UNC5D: variants seen among roughly 807,000 people sequenced by gnomAD.
The protein encoded by UNC5D is netrin receptor UNC5D.
Under a neutral mutation model 105.4 loss-of-function variants are expected in UNC5D, and 39 were observed. The ratio of observed to expected loss-of-function variants is 0.37; its 90% CI spans 0.29 to 0.48. UNC5D has a LOEUF of 0.48. Among genes scored for constraint, UNC5D ranks in the 20% least tolerant of loss-of-function variants. UNC5D has a pLI of 0.98. For missense variants in UNC5D, 991 were observed against 1,202.4 expected (o/e 0.82, Z 2.60); for synonymous variants, 452 against 450.4 (o/e 1.00, Z -0.04).
chr8:35,520,058 C>T (rs749693599), intron 1 of UNC5D, among the ~76,000 whole-genome samples: 5 of 151,984 alleles, frequency 3.3e-5, no homozygotes, highest in Admixed American at 1.3e-4. Flanking sequence ...CAATTTTACA[C>T]CTAGGTTATA....
intron 8 of UNC5D, 100 bp from the exon 9 acceptor site, chr8:35,722,110 G>A (rs1828611838): frequency 1.5e-6 from 2 of 1,343,434 alleles, no homozygotes; most frequent in African/African-American, 1.5e-5. Flanking sequence ...TCTCTGAGCA[G>A]TAGCTCCAAA....
intron 1 of UNC5D, among the ~76,000 whole-genome samples, chr8:35,413,511 T>C (rs1386851589): frequency 2.0e-5 from 3 of 151,642 alleles, no homozygotes; most frequent in Non-Finnish European, 2.9e-5. Context: ...TAGCAGCTGT[T>C]GGTGTGCTGC....
At chr8:35,314,978 G>A (rs558936714) in intron 1 of UNC5D, among the ~76,000 whole-genome samples, 4 of 152,246 alleles carry the variant, frequency 2.6e-5, no homozygotes, top group Non-Finnish European at 5.9e-5. Flanking sequence ...GAGTTTATCA[G>A]GTCGGTGAGA....
chr8:35,350,597 C>T (rs1469413857), intron 1 of UNC5D, among the ~76,000 whole-genome samples: 1 of 151,986 alleles, frequency 6.6e-6, no homozygotes, highest in East Asian at 1.9e-4. Flanking sequence ...AAACCTCTAG[C>T]TTTAAAGTGG....
chr8:35,378,567 T>C (rs1802838912), intron 1 of UNC5D, among the ~76,000 whole-genome samples: 2 of 152,152 alleles, frequency 1.3e-5, no homozygotes, highest in Admixed American at 1.3e-4. Context: ...CTGCCAGAGG[T>C]GTGAATCATC....
chr8:35,473,840 A>T (rs1563452691), intron 1 of UNC5D, among the ~76,000 whole-genome samples: 1 of 152,208 alleles, frequency 6.6e-6, no homozygotes, highest in African/African-American at 2.4e-5. Flanking sequence ...GTATTGACAG[A>T]AATGTGTTAA....
chr8:35,649,934 T>C lies in UNC5D; in HGVS notation c.571-33613T>C, dbSNP rs924325972. On this transcript the variant is annotated intron_variant, in intron 4 of 16. Coordinates refer to ENST00000404895, the MANE Select transcript of UNC5D (RefSeq NM_080872.4). ...TCCATCCTGGAACAGAAAAAAGACATTGGTGTTACAAATGGTGAAATATGA... is the reference window on the plus strand; with the variant it reads ...TCCATCCTGGAACAGAAAAAAGACACTGGTGTTACAAATGGTGAAATATGA... 2.0e-5 allele frequency among the ~76,000 whole-genome samples: 3 copies of C among 152,134 alleles called. No individual in the cohort carries two copies. In the East Asian group the frequency reaches 5.8e-4, roughly 29 times the overall value.
chr8:35,621,623 AT>A (rs1432299419), intron 4 of UNC5D, among the ~76,000 whole-genome samples: 4 of 152,180 alleles, frequency 2.6e-5, no homozygotes, highest in Non-Finnish European at 4.4e-5. Context: ...ACACTCTGCC[AT>A]TGGCTTCTCA....
chr8:35,270,545 T>C (rs1271013076), intron 1 of UNC5D, among the ~76,000 whole-genome samples: 1 of 152,210 alleles, frequency 6.6e-6, no homozygotes, highest in Non-Finnish European at 1.5e-5. Context: ...ACAATAATGA[T>C]AATACAATAG....
chr8:35,648,870 A>C (rs767689022), intron 4 of UNC5D, among the ~76,000 whole-genome samples: 13 of 152,238 alleles, frequency 8.5e-5, no homozygotes, highest in Non-Finnish European at 1.6e-4. Context: ...GTGTCAAGGA[A>C]GTTCTTGGAC....
At chr8:35,506,027 TCTTG>T (rs1812284773) in intron 1 of UNC5D, among the ~76,000 whole-genome samples, 2 of 152,250 alleles carry the variant, frequency 1.3e-5, no homozygotes, top group Admixed American at 6.5e-5. Flanking sequence ...CAATTATTTT[TCTTG>T]CTTTTAAGCT....
chr8:35,621,296 G>A (rs575486625), intron 4 of UNC5D, among the ~76,000 whole-genome samples: 6 of 152,218 alleles, frequency 3.9e-5, no homozygotes, highest in East Asian at 1.9e-4. Flanking sequence ...CTGTGAGCCC[G>A]GGATCACAGT....
chr8:35,239,776 G>A (rs1309716656), intron 1 of UNC5D, among the ~76,000 whole-genome samples: 2 of 151,866 alleles, frequency 1.3e-5, no homozygotes, highest in Non-Finnish European at 2.9e-5. Context: ...ATACCTTCAT[G>A]AACTAACTGC....
chr8:35,714,404 A>G (rs1480850249), intron 8 of UNC5D, among the ~76,000 whole-genome samples: 3 of 152,202 alleles, frequency 2.0e-5, no homozygotes, highest in Non-Finnish European at 4.4e-5. Context: ...ATCTTCAGAG[A>G]GAAGATGAGG....
At chr8:35,537,055 TTGA>T (rs1458247887) in intron 1 of UNC5D, among the ~76,000 whole-genome samples, 3 of 152,150 alleles carry the variant, frequency 2.0e-5, no homozygotes. Flanking sequence ...ATTTAAGACC[TTGA>T]TGATAAGACA....
rs1803060539 is a variant in UNC5D, at chr8:35,791,873, A to C, written c.*1310A>C. 1 of 152,124 alleles carries C rather than the reference A, an allele frequency of 6.6e-6. No homozygotes were observed. Among genetic ancestry groups the C allele is most frequent in the Non-Finnish European group, 1.5e-5 (1 of 68,032 alleles). The allele number at this position is 152,124 out of a possible 1,614,324, so 9.4% of individuals were successfully genotyped here. A position where few individuals can be genotyped will look rare whatever the true frequency, so the allele number is the denominator to read the frequency against. On this transcript the variant is annotated 3_prime_UTR_variant, in exon 17 of 17. Transcript: ENST00000404895. ...AGGCAGTGATATTGTGGAAGATTGA[A>C]ATCCACAGATAATTCATGACCCTCA... is the stretch of plus-strand genomic sequence containing the variant.
At chr8:35,724,985 T>C (rs1054224435) in intron 9 of UNC5D, among the ~76,000 whole-genome samples, 2 of 152,324 alleles carry the variant, frequency 1.3e-5, no homozygotes, top group South Asian at 2.1e-4. Context: ...ATAGCATTAT[T>C]TATTTCATCC....
intron 16 of UNC5D, among the ~76,000 whole-genome samples, chr8:35,781,705 T>C (rs1346103328): frequency 2.6e-5 from 4 of 152,184 alleles, no homozygotes; most frequent in African/African-American, 9.7e-5. Context: ...ATTTGTGAAG[T>C]TTTATCGTCT....
intron 1 of UNC5D, among the ~76,000 whole-genome samples, chr8:35,548,475 T>TAA (rs954462813): frequency 3.3e-5 from 5 of 152,304 alleles, no homozygotes; most frequent in South Asian, 4.2e-4. Context: ...TCCTGGGACT[T>TAA]AAGTCTTTGC....
Sources: allele counts gnomAD v4.1 joint callset (sites outside exome capture counted in the v4.1 genomes callset), GRCh38; gene constraint gnomAD v4.1.1; transcripts MANE v1.5; gene names NCBI Gene and HGNC (gene_info 2026-07-23, HGNC 2026-07-21).